The following CEP72 variants were observed in gnomAD, a reference collection of about 807,000 sequenced individuals.
CEP72 encodes the protein centrosomal protein 72.
A neutral mutation model predicts 65.7 loss-of-function variants in CEP72; 78 were observed. The observed-to-expected ratio is 1.19, with a 90% CI of 0.99 to 1.43. The LOEUF is 1.43. Among genes scored for constraint, CEP72 ranks in the 40% most tolerant of loss-of-function variants. The pLI is 0.00. For synonymous variants in CEP72, 358 were observed against 351.7 expected, an observed-to-expected ratio of 1.02 and a Z score of -0.20; for missense variants, 914 against 832.9, an observed-to-expected ratio of 1.10 and a Z score of -1.20.
intron 5 of CEP72, 122 bp from the exon 6 acceptor site, chr5:635,250 A>G (rs1737506780): frequency 2.8e-6 from 2 of 710,796 alleles, no homozygotes; most frequent in Non-Finnish European, 4.7e-6. Context: ...GTCACCCAGC[A>G]CGTGATTAAC....
chr5:654,333 CTG>C (rs34134289), downstream of CEP72, among the ~76,000 whole-genome samples: 2,581 of 148,790 alleles, frequency 0.017, 32 homozygotes, highest in Non-Finnish European at 0.029. Context: ...TGTGTGTGCG[CTG>C]TGTGTGCGCG....
chr5:652,891 C>T lies in CEP72; in HGVS notation c.1779-97C>T, dbSNP rs574949755. 1.6e-3 allele frequency: 2,061 copies of T among 1,328,022 alleles called. 1 individual carries two copies. Among genetic ancestry groups the T allele is most frequent in the Middle Eastern group, 6.0e-3 (22 of 3,678 alleles). 82.3% of individuals were successfully genotyped at this position (1,328,022 alleles called of 1,614,324 possible). On this transcript the variant is annotated intron_variant, in intron 11 of 11. Transcript: ENST00000264935. ...TCTGTGTGCAGGGCCAGGGCACCTT[C>T]GTGCCCATGCAGGGAGGTGGGCAGG...
downstream of CEP72, among the ~76,000 whole-genome samples, chr5:669,017 GAC>G (rs1486521000): frequency 6.6e-6 from 1 of 152,244 alleles, no homozygotes; most frequent in Non-Finnish European, 1.5e-5. Flanking sequence ...AGACACAACA[GAC>G]ACCATCAACA....
intron 11 of CEP72, among the ~76,000 whole-genome samples, chr5:648,832 GACTGTGAGGTGTGGACTGTGAGGTGT>G (rs1344118741): frequency 3.5e-4 from 44 of 124,460 alleles, no homozygotes; most frequent in African/African-American, 1.3e-3. Flanking sequence ...TGTGAGGTGT[GACTGTGAGGTGTGGACTGTGAGGTGT>G]GACTGTGAGG....
chr5:669,517 G>A (rs1363515956), downstream of CEP72, among the ~76,000 whole-genome samples: 1 of 152,154 alleles, frequency 6.6e-6, no homozygotes, highest in African/African-American at 2.4e-5. Context: ...GCCGTCAAAG[G>A]CTCTCCTGTC....
the CEP72 span, among the ~76,000 whole-genome samples, chr5:674,688 CCA>C: frequency 6.6e-6 from 1 of 152,044 alleles, no homozygotes; most frequent in Non-Finnish European, 1.5e-5. Context: ...CTACACAGGC[CCA>C]CACCGCATGG....
At chr5:641,272 C>T in intron 9 of CEP72, 1 of 985,434 alleles carries the variant, frequency 1.0e-6, no homozygotes, top group Non-Finnish European at 1.2e-6. Flanking sequence ...TGCTGGCATC[C>T]TTAGCACAGG....
Position 653,346 on chromosome 5 carries a change from T to C in CEP72, c.*193T>C, listed in dbSNP as rs989544226. 7 of 500,738 alleles carry C rather than the reference T, an allele frequency of 1.4e-5. No individual in the cohort carries two copies. Among genetic ancestry groups the C allele is most frequent in the Non-Finnish European group, 2.1e-5 (6 of 290,892 alleles). 31.0% of individuals were successfully genotyped at this position (500,738 alleles called of 1,614,324 possible). ...GCACCTCGTAAAATGATATGATTAC[T>C]CCAAGCCCTCTGCATGTTTTCAGAC... On this transcript the variant is annotated 3_prime_UTR_variant, in exon 12 of 12. Transcript: ENST00000264935.
At chr5:642,482 ACAGT>A (rs747943414) in intron 9 of CEP72, 104 of 985,490 alleles carry the variant, frequency 1.1e-4, no homozygotes, top group Admixed American at 3.1e-4. Context: ...TCTGTGGGAC[ACAGT>A]CAGGCACACC....
At chr5:634,922 G>A (rs1357850858) in intron 5 of CEP72, among the ~76,000 whole-genome samples, 2 of 152,208 alleles carry the variant, frequency 1.3e-5, no homozygotes, top group Non-Finnish European at 2.9e-5. Context: ...TTGAGATGGA[G>A]TTTTGCTCTG....
intron 1 of CEP72, 82 bp downstream of exon 1, chr5:612,525 T>G (rs1735735872): frequency 7.6e-7 from 1 of 1,322,600 alleles, no homozygotes; most frequent in Non-Finnish European, 9.6e-7. Context: ...CGGCGGACCG[T>G]GGGCAGGCGG....
chr5:659,897 A>G (rs1739508789), downstream of CEP72: 1 of 152,332 alleles, frequency 6.6e-6, no homozygotes, highest in Non-Finnish European at 1.5e-5. Flanking sequence ...CACTTTACCA[A>G]CTTGACACAC....
chr5:616,601 C>A (rs182500717), intron 1 of CEP72, among the ~76,000 whole-genome samples: 6,363 of 152,172 alleles, frequency 0.042, 448 homozygotes, highest in African/African-American at 0.15. Context: ...TGAGAAGACT[C>A]CTCACTCGAG....
the CEP72 span, among the ~76,000 whole-genome samples, chr5:672,632 C>A: frequency 6.6e-6 from 1 of 152,350 alleles, no homozygotes; most frequent in Non-Finnish European, 1.5e-5. Flanking sequence ...GAGCCTGACC[C>A]CAGGGGTCCT....
At chr5:672,500 C>T in the CEP72 span, among the ~76,000 whole-genome samples, 1 of 152,258 alleles carries the variant, frequency 6.6e-6, no homozygotes. Flanking sequence ...CCTCCTTCCT[C>T]TGCCTCATCG....
chr5:626,054 G>A (rs1419743887), intron 4 of CEP72, among the ~76,000 whole-genome samples: 5 of 152,122 alleles, frequency 3.3e-5, no homozygotes, highest in Admixed American at 1.3e-4. Context: ...GGGGCAGGGG[G>A]GGGCGGCACA....
At chr5:640,714 T>A (rs769681002) in intron 9 of CEP72, 110 bp downstream of exon 9, 83 of 1,450,598 alleles carry the variant, frequency 5.7e-5, no homozygotes, top group Non-Finnish European at 7.1e-5. Flanking sequence ...AACTGCCATC[T>A]CTGCAGCCCC....
chr5:640,839 G>T (rs989744536), intron 9 of CEP72: 64 of 985,310 alleles, frequency 6.5e-5, no homozygotes, highest in Non-Finnish European at 7.2e-5. Context: ...TTCTCTCCCC[G>T]GGCCCAAGGG....
At chr5:665,027 GAATGTAATGAA>G in intron 2 of CEP72, 1 of 1,517,170 alleles carries the variant, frequency 6.6e-7, no homozygotes, top group East Asian at 2.3e-5. Context: ...GTTAGTACAG[GAATGTAATGAA>G]GTGCGAGGTG....
Sources: gnomAD v4.1 joint callset for allele counts (sites outside exome capture counted in the v4.1 genomes callset) on GRCh38, gnomAD v4.1.1 for gene constraint, MANE v1.5 for transcripts, NCBI Gene and HGNC (gene_info 2026-07-23, HGNC 2026-07-21) for gene names.